The following PIK3CD variants were observed in gnomAD, a reference collection of about 807,000 sequenced individuals.
PIK3CD encodes phosphatidylinositol-4,5-bisphosphate 3-kinase catalytic subunit delta.
In PIK3CD, 20 loss-of-function variants were observed where a neutral mutation model predicts 122.9. That is an observed-to-expected ratio of 0.16 (90% CI 0.11 to 0.24). The LOEUF (loss-of-function observed/expected upper bound fraction) is 0.24. PIK3CD is among the 10% of genes least tolerant of loss of function. PIK3CD has a pLI of 1.00. For missense variants in PIK3CD, 787 were observed against 1,406.3 expected, an observed-to-expected ratio of 0.56 and a Z score of 7.04; for synonymous variants, 596 against 593.4, an observed-to-expected ratio of 1.00 and a Z score of -0.06.
the PIK3CD span, among the ~76,000 whole-genome samples, chr1:9,639,063 G>A: frequency 3.3e-5 from 5 of 152,154 alleles, 1 homozygote; most frequent in South Asian, 4.2e-4. Context: ...CATCGCCTCC[G>A]GCCTGGGATT....
Position 9,717,506 on chromosome 1 carries a change from G to C in PIK3CD, c.931-31G>C. 6.2e-7 allele frequency: 1 copy of C among 1,605,910 alleles called. No individual in the cohort carries two copies. ...AGGGAGACAAGCTGCACTTTGAGCC[G>C]TGTTAACAGCCCTGCTTCCCCGGCC... On this transcript the variant is annotated intron_variant, in intron 7 of 23. Coordinates refer to ENST00000377346, the MANE Select transcript of PIK3CD (RefSeq NM_005026.5). The surrounding 1 kb of genome is among the most constrained non-coding windows in gnomAD (Gnocchi z 5.4).
chr1:9,646,856 G>A (rs1644613944), upstream of PIK3CD, among the ~76,000 whole-genome samples: 1 of 151,794 alleles, frequency 6.6e-6, no homozygotes, highest in Non-Finnish European at 1.5e-5. Flanking sequence ...TCAGAAGACT[G>A]AGGCAGGAGA....
chr1:9,631,476 GA>G, the PIK3CD span, among the ~76,000 whole-genome samples: 1 of 152,234 alleles, frequency 6.6e-6, no homozygotes, highest in Admixed American at 6.5e-5. Flanking sequence ...ACAACATGGT[GA>G]AACCCCGTCT....
At chr1:9,685,006 G>C (rs955667320) in intron 1 of PIK3CD, among the ~76,000 whole-genome samples, 2 of 151,936 alleles carry the variant, frequency 1.3e-5, no homozygotes, top group African/African-American at 4.8e-5. Context: ...TCTAAGCTTG[G>C]AGAATTGAGG....
Position 9,652,286 on chromosome 1 carries a change from G to A in PIK3CD, c.-138+484G>A, listed in dbSNP as rs979384813. Among the ~76,000 whole-genome samples the A allele has an allele frequency of 9.2e-5, 14 of 152,184 alleles. No individual in the cohort carries two copies. The highest frequency in any genetic ancestry group is 2.9e-4 in the African/African-American group (12 of 41,456). On this transcript the variant is annotated intron_variant, in intron 1 of 23. Coordinates refer to ENST00000377346, the MANE Select transcript of PIK3CD (RefSeq NM_005026.5). This position sits in a 1 kb window ranked among gnomAD's most constrained non-coding sequence, Gnocchi z 6.2. ...CCACAGAGAGCGCGCTGGTGATGTC[G>A]CCCGAGTGCCCTGGCGCGGAGAGAG...
intron 2 of PIK3CD, among the ~76,000 whole-genome samples, chr1:9,697,818 G>T (rs1412712782): frequency 1.3e-5 from 2 of 151,858 alleles, no homozygotes; most frequent in Admixed American, 6.6e-5. Context: ...AGCACTTGAA[G>T]TCAGGAGTTC....
chr1:9,726,514 T>C (rs779379795), intron 23 of PIK3CD, among the ~76,000 whole-genome samples: 4 of 152,122 alleles, frequency 2.6e-5, no homozygotes, highest in Non-Finnish European at 4.4e-5. Context: ...CTCAAAAAAA[T>C]GTATATATAC....
chr1:9,722,660 C>A lies in PIK3CD; in HGVS notation c.2426+54C>A. The A allele has an allele frequency of 6.8e-7, 1 of 1,459,868 alleles. No individual in the cohort carries two copies. Among genetic ancestry groups the A allele is most frequent in the Non-Finnish European group, 9.6e-7 (1 of 1,040,708 alleles). The allele number at this position is 1,459,868 out of a possible 1,614,324, so 90.4% of individuals were successfully genotyped here. A position where few individuals can be genotyped will look rare whatever the true frequency, so the allele number is the denominator to read the frequency against. On this transcript the variant is annotated intron_variant, in intron 19 of 23. Coordinates refer to ENST00000377346, the MANE Select transcript of PIK3CD (RefSeq NM_005026.5). This position sits in a 1 kb window ranked among gnomAD's most constrained non-coding sequence, Gnocchi z 7.6. The stretch of plus-strand genomic sequence containing the variant: ...TGGTGTCTGTGCCCAGCCTGGGAGT[C>A]TGTGCCCCTGGAGGGGTCCTTGTTG...
In PIK3CD at chr1:9,652,176, C is replaced by A. The variant is rs1370607441; in HGVS notation, c.-138+374C>A. Among the ~76,000 whole-genome samples the A allele has an allele frequency of 6.6e-6, 1 of 152,158 alleles. No individual in the cohort carries two copies. The highest frequency in any genetic ancestry group is 1.5e-5 in the Non-Finnish European group (1 of 68,000). On this transcript the variant is annotated intron_variant, in intron 1 of 23. Coordinates refer to ENST00000377346, the MANE Select transcript of PIK3CD (RefSeq NM_005026.5). The surrounding 1 kb of genome is among the most constrained non-coding windows in gnomAD (Gnocchi z 6.2). ...GGCCTCCGGTGCGCCGGCTGAGGCG[C>A]GAGGATACTGGAAGCGCTCAGCGCG... is the stretch of plus-strand genomic sequence containing the variant.
chr1:9,649,305 A>G (rs1570021195), upstream of PIK3CD, among the ~76,000 whole-genome samples: 2 of 150,644 alleles, frequency 1.3e-5, no homozygotes, highest in South Asian at 2.1e-4. Flanking sequence ...GTTATGGCTC[A>G]CTGCAGTCTC....
chr1:9,720,561 CCGGGCTGGTCCAGG>C lies in PIK3CD; in HGVS notation c.1471-48_1471-35del, dbSNP rs1310779467. On this transcript the variant is annotated intron_variant, in intron 11 of 23. Coordinates refer to ENST00000377346, the MANE Select transcript of PIK3CD (RefSeq NM_005026.5). The surrounding 1 kb of genome is among the most constrained non-coding windows in gnomAD (Gnocchi z 9.0). ...GCAATGCCCGGCCTGGGGGTCCTGCCCGGGCTGGTCCAGGCCCCTGGGGACGCTGAGTGCAGCCG... is the reference window on the plus strand; with the variant it reads ...GCAATGCCCGGCCTGGGGGTCCTGCCCCCCTGGGGACGCTGAGTGCAGCCG... The C allele has an allele frequency of 6.5e-7, 1 of 1,548,998 alleles. No individual in the cohort carries two copies. The highest frequency in any genetic ancestry group is 8.7e-7 in the Non-Finnish European group (1 of 1,146,250).
Position 9,720,716 on chromosome 1 carries a change from C to T in PIK3CD, c.1522-26C>T. On this transcript the variant is annotated intron_variant, in intron 12 of 23. Transcript: ENST00000377346. This position sits in a 1 kb window ranked among gnomAD's most constrained non-coding sequence, Gnocchi z 9.0. The stretch of plus-strand genomic sequence containing the variant: ...GCATGGAGCCGGCGTGGAACCAGAG[C>T]CCTCACTCCTGCCCACACCCCTCAG... 6.2e-7 allele frequency: 1 copy of T among 1,604,498 alleles called. No individual in the cohort carries two copies.
At chr1:9,642,065 GC>G in the PIK3CD span, among the ~76,000 whole-genome samples, 1 of 152,052 alleles carries the variant, frequency 6.6e-6, no homozygotes. Context: ...TACAGGGAGT[GC>G]AGCCTGACAC....
intron 2 of PIK3CD, among the ~76,000 whole-genome samples, chr1:9,701,030 C>G (rs1267166357): frequency 6.6e-6 from 1 of 152,150 alleles, no homozygotes; most frequent in Non-Finnish European, 1.5e-5. Context: ...CTCCGCAGTC[C>G]TTCCACACCG....
rs375728582 is a variant in PIK3CD, at chr1:9,722,499, G to T, written c.2348-29G>T. 4 of 1,602,556 alleles carry T rather than the reference G, an allele frequency of 2.5e-6. No homozygotes were observed. The East Asian group carries it at 8.9e-5, about 36-fold the overall frequency. The stretch of plus-strand genomic sequence containing the variant: ...AGCAGAGAACCTACCAGAAACTCAC[G>T]CTTCTCCTCCCACCGGCCGGTGGCA... On this transcript the variant is annotated intron_variant, in intron 18 of 23. Transcript: ENST00000377346. This position sits in a 1 kb window ranked among gnomAD's most constrained non-coding sequence, Gnocchi z 7.6.
rs767502183 is a variant in PIK3CD at position 9,720,068 on chromosome 1, G to C, written c.1340-44G>C. On this transcript the variant is annotated intron_variant, in intron 10 of 23. Transcript: ENST00000377346. The surrounding 1 kb of genome is among the most constrained non-coding windows in gnomAD (Gnocchi z 9.0). ...GCGTTGGGAGTGTGAGGGTCCCAGA[G>C]ATGCTGGTCACCCCTCTACAACTTC... 1 of 1,613,384 alleles carries C rather than the reference G, an allele frequency of 6.2e-7. No homozygotes were observed. The highest frequency in any genetic ancestry group is 8.5e-7 in the Non-Finnish European group (1 of 1,179,990).
At chr1:9,683,037 C>CTTTT (rs773555400) in intron 1 of PIK3CD, among the ~76,000 whole-genome samples, 1 of 123,526 alleles carries the variant, frequency 8.1e-6, no homozygotes, top group East Asian at 2.2e-4. Flanking sequence ...GGCCCTGGAC[C>CTTTT]TTTTTTTTTT....
At chr1:9,716,235 C>G (rs1647410332) in intron 5 of PIK3CD, 157 bp downstream of exon 5, 1 of 828,480 alleles carries the variant, frequency 1.2e-6, no homozygotes, top group Non-Finnish European at 2.0e-6. Context: ...ACTGAACGTC[C>G]CCCCAGGCAA....
chr1:9,627,505 T>C, the PIK3CD span, among the ~76,000 whole-genome samples: 2 of 152,188 alleles, frequency 1.3e-5, no homozygotes, highest in African/African-American at 4.8e-5. Context: ...TTCGCGCCCG[T>C]CAGTGGGAGC....
Sources: allele counts gnomAD v4.1 joint callset (sites outside exome capture counted in the v4.1 genomes callset), GRCh38; gene constraint gnomAD v4.1.1; non-coding constraint Gnocchi (gnomAD v3.1); transcripts MANE v1.5; gene names NCBI Gene and HGNC (gene_info 2026-07-23, HGNC 2026-07-21).